The following ADGRL3 variants were observed in gnomAD, a reference collection of about 807,000 sequenced individuals.
ADGRL3 encodes the protein adhesion G protein-coupled receptor L3.
Under a neutral mutation model 153.5 loss-of-function variants are expected in ADGRL3, and 62 were observed. That is an observed-to-expected ratio of 0.40 (90% CI 0.33 to 0.50). The LOEUF (loss-of-function observed/expected upper bound fraction) is 0.50, where lower values mean the gene tolerates loss of function less well. Among genes scored for constraint, ADGRL3 ranks in the 20% least tolerant of loss-of-function variants. The pLI is 0.47. For synonymous variants in ADGRL3, 710 were observed against 672.5 expected, an observed-to-expected ratio of 1.06 and a Z score of -0.86; for missense variants, 1,641 against 1,859.4, an observed-to-expected ratio of 0.88 and a Z score of 2.16.
At chr4:61,914,619 G>A (rs1239057599) in intron 13 of ADGRL3, among the ~76,000 whole-genome samples, 1 of 152,044 alleles carries the variant, frequency 6.6e-6, no homozygotes, top group Non-Finnish European at 1.5e-5. Flanking sequence ...GCAGGTATAG[G>A]GAGATGTGAG....
chr4:61,416,166 AT>A (rs1367680092), intron 2 of ADGRL3, among the ~76,000 whole-genome samples: 1 of 152,116 alleles, frequency 6.6e-6, no homozygotes, highest in Admixed American at 6.5e-5. Context: ...AAAATGCTAT[AT>A]GACATTGTTA....
At position 61,740,497 on chromosome 4, in the gene ADGRL3, T is replaced by C. The variant is rs576836983; in HGVS notation, c.1399+6943T>C. On this transcript the variant is annotated intron_variant, in intron 8 of 26. Transcript: ENST00000683033. ...AAACCACCTTCTGCCAAATTGATTA[T>C]TCATTAATAAAGAACAGTGAGAAGA... is the stretch of plus-strand genomic sequence containing the variant. 3.3e-5 allele frequency among the ~76,000 whole-genome samples: 5 copies of C among 152,354 alleles called. No individual in the cohort carries two copies. The South Asian group carries it at 1.0e-3, about 32-fold the overall frequency.
In ADGRL3 at chr4:61,956,709, G is replaced by A. The variant is rs545340437; in HGVS notation, c.2805+8433G>A. 1.4e-3 allele frequency among the ~76,000 whole-genome samples: 217 copies of A among 152,048 alleles called. 2 individuals carry two copies. The highest frequency in any genetic ancestry group is 4.8e-3 in the African/African-American group (199 of 41,522). On this transcript the variant is annotated intron_variant, in intron 17 of 26. Coordinates refer to ENST00000683033, the MANE Select transcript of ADGRL3 (RefSeq NM_001387552.1). ...TCTTTAACCCATCTTGAGTTAATTT[G>A]TGTATAAGGTATAAGGAAGGGATCC...
At chr4:61,348,216 C>T (rs1484624730) in intron 1 of ADGRL3, among the ~76,000 whole-genome samples, 1 of 151,936 alleles carries the variant, frequency 6.6e-6, no homozygotes, top group African/African-American at 2.4e-5. Context: ...ATGTTTTAAT[C>T]AAAACGATCA....
At chr4:61,208,574 T>A (rs904663634) in intron 1 of ADGRL3, among the ~76,000 whole-genome samples, 3 of 152,182 alleles carry the variant, frequency 2.0e-5, no homozygotes, top group African/African-American at 7.2e-5. Context: ...TAGTAAATTT[T>A]AAAATTTCAT....
intron 21 of ADGRL3, among the ~76,000 whole-genome samples, chr4:61,999,498 T>G (rs186258549): frequency 6.6e-6 from 1 of 152,334 alleles, no homozygotes; most frequent in Admixed American, 6.5e-5. Context: ...TATATTAAAT[T>G]GCATTTTCAT....
intron 1 of ADGRL3, among the ~76,000 whole-genome samples, chr4:61,260,735 TA>T (rs144169772): frequency 0.12 from 18,171 of 151,778 alleles, 1,183 homozygotes; most frequent in Middle Eastern, 0.17. Context: ...AAATTTTTTT[TA>T]TTTTTTTGAG....
rs1231393540 is a variant in ADGRL3 at position 61,229,856 on chromosome 4, G to T, written c.-240+28091G>T. On this transcript the variant is annotated intron_variant, in intron 1 of 26. Coordinates refer to ENST00000683033, the MANE Select transcript of ADGRL3 (RefSeq NM_001387552.1). ...CTGGAACTTGAAGCTGCAGTGAGCC[G>T]AGATTGTGAGCTCCAGCCTGGATGA... is the stretch of plus-strand genomic sequence containing the variant. 2.7e-5 allele frequency among the ~76,000 whole-genome samples: 4 copies of T among 150,458 alleles called. No homozygotes were observed. The Admixed American group carries it at 2.7e-4, about 10-fold the overall frequency.
intron 8 of ADGRL3, among the ~76,000 whole-genome samples, chr4:61,783,833 T>C (rs1372142963): frequency 6.6e-6 from 1 of 152,092 alleles, no homozygotes; most frequent in Non-Finnish European, 1.5e-5. Context: ...TGTGGATTTA[T>C]TTTTATTTAA....
intron 1 of ADGRL3, among the ~76,000 whole-genome samples, chr4:61,331,649 A>T (rs1272840838): frequency 6.6e-6 from 1 of 152,074 alleles, no homozygotes; most frequent in Admixed American, 6.6e-5. Flanking sequence ...TGCCATATAG[A>T]TATTTGAATT....
At chr4:61,379,986 C>T (rs1279475279) in intron 1 of ADGRL3, among the ~76,000 whole-genome samples, 1 of 151,846 alleles carries the variant, frequency 6.6e-6, no homozygotes, top group Non-Finnish European at 1.5e-5. Flanking sequence ...GGCCTTGCCA[C>T]TAATATCCAT....
chr4:61,704,351 A>C, intron 6 of ADGRL3, among the ~76,000 whole-genome samples: 1 of 152,224 alleles, frequency 6.6e-6, no homozygotes, highest in East Asian at 1.9e-4. Context: ...ATTTTTTGGT[A>C]ACCTAGTACA....
chr4:61,586,083 A>G (rs939676544), intron 4 of ADGRL3, among the ~76,000 whole-genome samples: 4 of 152,066 alleles, frequency 2.6e-5, no homozygotes, highest in South Asian at 4.1e-4. Flanking sequence ...TCAAATTGAC[A>G]AAGCTTAAAG....
At chr4:62,030,580 A>G (rs2151495538) in intron 22 of ADGRL3, among the ~76,000 whole-genome samples, 1 of 151,726 alleles carries the variant, frequency 6.6e-6, no homozygotes, top group South Asian at 2.1e-4. Flanking sequence ...TGCAAATGAC[A>G]TCTTGGAGGA....
intron 5 of ADGRL3, among the ~76,000 whole-genome samples, chr4:61,645,471 G>T (rs28802396): frequency 0.37 from 55,202 of 150,074 alleles, 11,703 homozygotes; most frequent in Non-Finnish European, 0.5. Context: ...GCTCTTTTAG[G>T]GCAGGCCTGG....
At position 61,645,041 on chromosome 4, in the gene ADGRL3, G is replaced by A. The variant is rs2093901084; in HGVS notation, c.474-31785G>A. Among the ~76,000 whole-genome samples, 4 of 151,976 alleles carry A rather than the reference G, an allele frequency of 2.6e-5. No individual in the cohort carries two copies. The South Asian group carries it at 8.3e-4, about 32-fold the overall frequency. On this transcript the variant is annotated intron_variant, in intron 5 of 26. Transcript: ENST00000683033. ...ATTGATCCTTTACCATTATGTAATGGCCTTCTTTGTCTCTTTTGATCTTTG... is the reference window on the plus strand; with the variant it reads ...ATTGATCCTTTACCATTATGTAATGACCTTCTTTGTCTCTTTTGATCTTTG...
chr4:61,371,072 C>A (rs578174644), intron 1 of ADGRL3, among the ~76,000 whole-genome samples: 1 of 149,028 alleles, frequency 6.7e-6, no homozygotes, highest in Admixed American at 6.7e-5. Flanking sequence ...TTTTTGTTTT[C>A]CATTTGCTTG....
At chr4:61,269,489 G>C (rs1279539231) in intron 1 of ADGRL3, among the ~76,000 whole-genome samples, 2 of 151,442 alleles carry the variant, frequency 1.3e-5, no homozygotes, top group South Asian at 2.1e-4. Context: ...TCATTATCAT[G>C]CCCACCTTTG....
rs2098712848 is a variant in ADGRL3 at position 61,909,711 on chromosome 4, G to A, written c.2039G>A (p.Gly680Asp). Residue 680 changes from glycine to aspartate, a missense_variant, in exon 12 of 27, where the codon GGT becomes GAT. Physicochemically the swap from Gly to Asp is moderately conservative, Grantham distance 94. Transcript: ENST00000683033. ...LDVQLRNLTPGGKDSAARSLN... is the reference protein window; with the variant it reads ...LDVQLRNLTPDGKDSAARSLN... ...GTACAGCTTCGGAACTTGACCCCAG[G>A]TGGAAAAGATAGTGCTGCCCGGAGT... 1 of 1,575,568 alleles carries A rather than the reference G, an allele frequency of 6.3e-7. No individual in the cohort carries two copies. Among genetic ancestry groups the A allele is most frequent in the African/African-American group, 1.4e-5 (1 of 73,704 alleles).
Sources: gnomAD v4.1 joint callset for allele counts (sites outside exome capture counted in the v4.1 genomes callset) on GRCh38, gnomAD v4.1.1 for gene constraint, MANE v1.5 for transcripts, NCBI Gene and HGNC (gene_info 2026-07-23, HGNC 2026-07-21) for gene names.